The following STXBP5L variants were observed in gnomAD, a reference collection of about 807,000 sequenced individuals.
STXBP5L encodes the protein syntaxin-binding protein 5-like.
In STXBP5L, 65 loss-of-function variants were observed where a neutral mutation model predicts 144.5. The ratio of observed to expected loss-of-function variants is 0.45; its 90% CI spans 0.37 to 0.55. The LOEUF is 0.55. Among genes scored for constraint, STXBP5L ranks in the 20% least tolerant of loss-of-function variants. The pLI, the probability that STXBP5L is intolerant of heterozygous loss-of-function variation, is 0.00. For synonymous variants in STXBP5L, 505 were observed against 469.6 expected (o/e 1.08, Z -0.97); for missense variants, 1,298 against 1,405.5 (o/e 0.92, Z 1.22).
chr3:121,296,701 TAGAC>T (rs896250259), intron 19 of STXBP5L, among the ~76,000 whole-genome samples: 1 of 151,588 alleles, frequency 6.6e-6, no homozygotes, highest in Non-Finnish European at 1.5e-5. Flanking sequence ...TTTTGATAGA[TAGAC>T]AGACTGAAAG....
At chr3:121,308,193 C>G (rs2043406302) in intron 19 of STXBP5L, among the ~76,000 whole-genome samples, 1 of 152,188 alleles carries the variant, frequency 6.6e-6, no homozygotes. Context: ...GTGCAGCAAA[C>G]CACCGTGGCA....
intron 18 of STXBP5L, among the ~76,000 whole-genome samples, chr3:121,276,470 C>G (rs1233398361): frequency 6.6e-6 from 1 of 151,830 alleles, no homozygotes; most frequent in Admixed American, 6.6e-5. Flanking sequence ...TAGTGGAGAT[C>G]CATATTTCCA....
chr3:121,002,079 G>A (rs1056415255), intron 3 of STXBP5L, among the ~76,000 whole-genome samples: 1 of 152,164 alleles, frequency 6.6e-6, no homozygotes, highest in Non-Finnish European at 1.5e-5. Flanking sequence ...ATACCCAGAA[G>A]AGAGATTACT....
At chr3:121,309,358 T>C (rs2043449626) in intron 19 of STXBP5L, among the ~76,000 whole-genome samples, 1 of 152,000 alleles carries the variant, frequency 6.6e-6, no homozygotes, top group South Asian at 2.1e-4. Flanking sequence ...ACTAATACCA[T>C]TTAAAAAAAT....
intron 5 of STXBP5L, among the ~76,000 whole-genome samples, chr3:121,065,397 AACAC>A (rs905122191): frequency 6.6e-6 from 1 of 152,204 alleles, no homozygotes; most frequent in South Asian, 2.1e-4. Context: ...ACATTATATA[AACAC>A]ACACACATGT....
At chr3:120,991,932 G>T (rs1290045841) in intron 3 of STXBP5L, among the ~76,000 whole-genome samples, 2 of 152,114 alleles carry the variant, frequency 1.3e-5, no homozygotes, top group African/African-American at 2.4e-5. Flanking sequence ...TGCACGTTGT[G>T]CAGATGTACC....
chr3:121,291,661 T>C lies in STXBP5L; in HGVS notation c.2110+11705T>C, dbSNP rs560282005. On this transcript the variant is annotated intron_variant, in intron 19 of 26. Coordinates refer to ENST00000471454, the MANE Select transcript of STXBP5L (RefSeq NM_001308330.2). ...CACGTTACTTGACTTCAAACTACACTACAAGGCTATCGTTACCAAAACTTC... is the reference window on the plus strand; with the variant it reads ...CACGTTACTTGACTTCAAACTACACCACAAGGCTATCGTTACCAAAACTTC... 5.9e-5 allele frequency among the ~76,000 whole-genome samples: 9 copies of C among 152,192 alleles called. No homozygotes were observed. In the South Asian group the frequency reaches 1.7e-3, roughly 28 times the overall value.
At chr3:121,348,583 G>A (rs2045114489) in intron 20 of STXBP5L, among the ~76,000 whole-genome samples, 2 of 152,140 alleles carry the variant, frequency 1.3e-5, no homozygotes, top group East Asian at 1.9e-4. Flanking sequence ...AATCCATCTG[G>A]TCCTAGACTT....
chr3:121,132,622 C>T (rs918717551), intron 7 of STXBP5L, among the ~76,000 whole-genome samples: 1 of 152,058 alleles, frequency 6.6e-6, no homozygotes, highest in Non-Finnish European at 1.5e-5. Flanking sequence ...AATGAAGAAT[C>T]AGACAAAAAT....
At chr3:121,297,865 TTAAAAA>T (rs1405007501) in intron 19 of STXBP5L, among the ~76,000 whole-genome samples, 9 of 152,168 alleles carry the variant, frequency 5.9e-5, no homozygotes, top group Admixed American at 3.9e-4. Flanking sequence ...ATTATAGAAC[TTAAAAA>T]TAAAATATGT....
rs755646794 is a variant in STXBP5L, at chr3:121,418,419, C to T, written c.3309C>T (p.Gly1103=). 10 of 1,613,844 alleles carry T rather than the reference C, an allele frequency of 6.2e-6. No homozygotes were observed. Among genetic ancestry groups the T allele is most frequent in the African/African-American group, 5.3e-5 (4 of 74,910 alleles). Residue 1103 remains glycine, a synonymous_variant, in exon 26 of 27, where the codon GGC becomes GGT. Transcript: ENST00000471454. The part of the protein sequence containing the change: ...PGPGSIEGMK[G]AAGGVMGELT... ...CAGGTAGTATAGAAGGGATGAAAGGCGCTGCTGGAGGGGTGATGGGAGAGC... is the reference window on the plus strand; with the variant it reads ...CAGGTAGTATAGAAGGGATGAAAGGTGCTGCTGGAGGGGTGATGGGAGAGC...
At chr3:120,952,968 T>A (rs574264877) in intron 2 of STXBP5L, among the ~76,000 whole-genome samples, 1 of 151,376 alleles carries the variant, frequency 6.6e-6, no homozygotes, top group South Asian at 2.1e-4. Context: ...CCAGCTAATT[T>A]TTTTTTTTCT....
At chr3:120,913,994 A>G (rs1708981827) in intron 2 of STXBP5L, among the ~76,000 whole-genome samples, 1 of 152,032 alleles carries the variant, frequency 6.6e-6, no homozygotes, top group African/African-American at 2.4e-5. Context: ...AGAGGTGGAG[A>G]GCATCTAGTG....
At chr3:121,386,358 C>A (rs188952465) in intron 22 of STXBP5L, among the ~76,000 whole-genome samples, 1 of 152,196 alleles carries the variant, frequency 6.6e-6, no homozygotes, top group East Asian at 1.9e-4. Context: ...ATAACAGCCT[C>A]CAGCTGCATT....
intron 24 of STXBP5L, 90 bp from the exon 25 acceptor site, chr3:121,415,764 CATG>C: frequency 1.4e-6 from 1 of 702,012 alleles, no homozygotes; most frequent in Non-Finnish European, 2.2e-6. Flanking sequence ...ACTGTTTTTT[CATG>C]ATGTGTCCTA....
At chr3:121,210,702 T>G (rs1318759562) in intron 10 of STXBP5L, among the ~76,000 whole-genome samples, 1 of 152,158 alleles carries the variant, frequency 6.6e-6, no homozygotes, top group South Asian at 2.1e-4. Flanking sequence ...TTTCCCCATT[T>G]CTTGTTTTTG....
At chr3:121,045,828 C>T (rs547968960) in intron 5 of STXBP5L, among the ~76,000 whole-genome samples, 2 of 152,048 alleles carry the variant, frequency 1.3e-5, no homozygotes, top group East Asian at 1.9e-4. Flanking sequence ...GACTTCCTTT[C>T]TTCCTATTAA....
chr3:121,385,251 A>G (rs1003846725), intron 22 of STXBP5L, among the ~76,000 whole-genome samples: 2 of 152,122 alleles, frequency 1.3e-5, no homozygotes, highest in African/African-American at 4.8e-5. Flanking sequence ...ACATTTGCTT[A>G]GCTTCTGGTG....
chr3:121,319,634 G>A (rs930212011), intron 20 of STXBP5L, among the ~76,000 whole-genome samples: 1 of 151,908 alleles, frequency 6.6e-6, no homozygotes, highest in Non-Finnish European at 1.5e-5. Context: ...CATACCTATG[G>A]TATCATACAA....
Sources: gnomAD v4.1 joint callset for allele counts (sites outside exome capture counted in the v4.1 genomes callset) on GRCh38, gnomAD v4.1.1 for gene constraint, MANE v1.5 for transcripts, NCBI Gene and HGNC (gene_info 2026-07-23, HGNC 2026-07-21) for gene names.